CRB1: variants seen among roughly 807,000 people sequenced by gnomAD.
CRB1 encodes the protein protein crumbs homolog 1.
A neutral mutation model predicts 120.0 loss-of-function variants in CRB1; 83 were observed. That is an observed-to-expected ratio of 0.69 (90% CI 0.58 to 0.83). The LOEUF (loss-of-function observed/expected upper bound fraction) is 0.83. Ranked by LOEUF, CRB1 falls within the 40% of genes least tolerant of loss-of-function variation. The probability of loss-of-function intolerance (pLI) is 0.00; values close to 1 mark genes in which losing one functional copy is unlikely to be tolerated. For missense variants in CRB1, 1,699 were observed against 1,687.6 expected (o/e 1.01, Z -0.12); for synonymous variants, 625 against 612.5 (o/e 1.02, Z -0.30).
At position 197,477,742 on chromosome 1, in the gene CRB1, G is replaced by T. The variant is rs758725635; in HGVS notation, c.4084G>T (p.Ala1362Ser). 2.5e-6 allele frequency: 4 copies of T among 1,613,852 alleles called. No individual in the cohort carries two copies. Among genetic ancestry groups the T allele is most frequent in the Non-Finnish European group, 3.4e-6 (4 of 1,179,882 alleles). The change falls in exon 12 of 12, where the codon GCC becomes TCC. Residue 1362 changes from alanine (A) to serine (S), a missense_variant. Physicochemically the swap from Ala to Ser is moderately conservative, Grantham distance 99. Transcript: ENST00000367400. ...TVALLLILLL[A>S]IVASVVTSNK... ...CGCCTTGTTACTGATCCTCTTGCTG[G>T]CCATTGTTGCTTCTGTTGTCACCTC... is the stretch of plus-strand genomic sequence containing the variant.
At chr1:197,456,099 A>C (rs1342230475) in intron 11 of CRB1, among the ~76,000 whole-genome samples, 2 of 152,162 alleles carry the variant, frequency 1.3e-5, no homozygotes, top group Admixed American at 6.6e-5. Context: ...TTCTTTGATA[A>C]TCCTATGCTG....
chr1:197,453,235 A>T (rs569295852), intron 11 of CRB1, among the ~76,000 whole-genome samples: 7 of 149,390 alleles, frequency 4.7e-5, no homozygotes, highest in Non-Finnish European at 1.0e-4. Flanking sequence ...GGAAATGGGG[A>T]GATGTCATTA....
chr1:197,391,476 A>C (rs1662501918), intron 5 of CRB1, among the ~76,000 whole-genome samples: 1 of 152,146 alleles, frequency 6.6e-6, no homozygotes. Context: ...TCTGCTGTGA[A>C]GTTGTCACTG....
the CRB1 span, among the ~76,000 whole-genome samples, chr1:197,215,411 G>A: frequency 6.6e-6 from 1 of 151,634 alleles, no homozygotes; most frequent in Non-Finnish European, 1.5e-5. Context: ...CTGAGTAGCT[G>A]GCATAATAGG....
the CRB1 span, among the ~76,000 whole-genome samples, chr1:197,256,605 A>C: frequency 7.2e-5 from 11 of 152,080 alleles, no homozygotes; most frequent in Non-Finnish European, 1.2e-4. Flanking sequence ...AGTGGAGTAA[A>C]GCTACGTGGC....
At chr1:197,331,853 T>C (rs1000407937) in intron 2 of CRB1, among the ~76,000 whole-genome samples, 2 of 152,174 alleles carry the variant, frequency 1.3e-5, no homozygotes, top group African/African-American at 4.8e-5. Context: ...TAATGAATCC[T>C]TTCAGTCGTC....
rs555766244 is a variant in CRB1 at position 197,402,489 on chromosome 1, G to A, written c.1172-18511G>A. 8.4e-4 allele frequency among the ~76,000 whole-genome samples: 128 copies of A among 152,070 alleles called. 2 individuals are homozygous for A. The South Asian group carries it at 0.018, about 22-fold the overall frequency. ...TTTCATCATTATTTAGATGTATGTC[G>A]TTTAAAATTAATGTTGACTAAAAGA... On this transcript the variant is annotated intron_variant, in intron 5 of 11. Coordinates refer to ENST00000367400, the MANE Select transcript of CRB1 (RefSeq NM_201253.3).
the CRB1 span, among the ~76,000 whole-genome samples, chr1:197,206,156 A>T: frequency 6.6e-6 from 1 of 151,910 alleles, no homozygotes; most frequent in Non-Finnish European, 1.5e-5. Context: ...TTTCTTGTTT[A>T]ACCTCCTCAC....
chr1:197,350,934 G>T (rs1660056907), intron 4 of CRB1, among the ~76,000 whole-genome samples: 1 of 151,982 alleles, frequency 6.6e-6, no homozygotes, highest in South Asian at 2.1e-4. Flanking sequence ...CTAAGTAAAA[G>T]TTAAATAAAT....
In CRB1 at chr1:197,421,716, T is replaced by C; in HGVS notation, c.1888T>C (p.Phe630Leu). 6.2e-7 allele frequency: 1 copy of C among 1,614,194 alleles called. No homozygotes were observed. Among genetic ancestry groups the C allele is most frequent in the Non-Finnish European group, 8.5e-7 (1 of 1,180,036 alleles). ...CAGCAATGGTGTTGCTCTGCTTAAC[T>C]TCTATAATATGCCATCCACACCTTC... ...MTSNGVALLN[F>L]YNMPSTPSFV... The change falls in exon 6 of 12, where the codon TTC (phenylalanine) becomes CTC (leucine). Residue 630 changes from phenylalanine to leucine, a missense_variant. Physicochemically the swap from Phe to Leu is conservative, Grantham distance 22. Transcript: ENST00000367400.
chr1:197,256,216 A>G, the CRB1 span, among the ~76,000 whole-genome samples: 1 of 151,402 alleles, frequency 6.6e-6, no homozygotes, highest in Non-Finnish European at 1.5e-5. Flanking sequence ...TTAGAGAAAT[A>G]CTTATTTTGC....
intron 8 of CRB1, 84 bp from the exon 9 acceptor site, chr1:197,434,622 C>A: frequency 8.3e-7 from 1 of 1,201,466 alleles, no homozygotes; most frequent in Non-Finnish European, 1.2e-6. Flanking sequence ...GTTATTAACA[C>A]AATGATCATT....
chr1:197,302,335 G>A (rs1656916732), intron 1 of CRB1, among the ~76,000 whole-genome samples: 1 of 152,110 alleles, frequency 6.6e-6, no homozygotes, highest in Non-Finnish European at 1.5e-5. Flanking sequence ...TAATGCAATG[G>A]TACACTTAAT....
chr1:197,363,957 G>A, intron 5 of CRB1: 1 of 1,339,460 alleles, frequency 7.5e-7, no homozygotes. Context: ...ATTATGAGAA[G>A]CCATGCGGCC....
intron 5 of CRB1, among the ~76,000 whole-genome samples, chr1:197,405,377 G>A (rs1414250057): frequency 6.6e-6 from 1 of 151,842 alleles, no homozygotes; most frequent in African/African-American, 2.4e-5. Flanking sequence ...TTCACTCAGT[G>A]CTCAATGGTG....
At chr1:197,341,671 CTA>C (rs1172260643) in intron 2 of CRB1, among the ~76,000 whole-genome samples, 1 of 152,192 alleles carries the variant, frequency 6.6e-6, no homozygotes, top group Non-Finnish European at 1.5e-5. Flanking sequence ...GTTTCTCTAC[CTA>C]TAGTCTCTTC....
intron 3 of CRB1, among the ~76,000 whole-genome samples, chr1:197,346,046 G>A (rs1044063096): frequency 6.6e-6 from 1 of 152,082 alleles, no homozygotes; most frequent in African/African-American, 2.4e-5. Flanking sequence ...ACTGTTTCCA[G>A]AAAGCATCAG....
chr1:197,391,805 A>G (rs1662519611), intron 5 of CRB1, among the ~76,000 whole-genome samples: 1 of 152,070 alleles, frequency 6.6e-6, no homozygotes, highest in South Asian at 2.1e-4. Flanking sequence ...AGAATTCAGA[A>G]AAAAATATTA....
At chr1:197,422,292 T>A (rs968776838) in intron 6 of CRB1, among the ~76,000 whole-genome samples, 1 of 150,054 alleles carries the variant, frequency 6.7e-6, no homozygotes, top group Admixed American at 6.7e-5. Flanking sequence ...TAAATCTTAT[T>A]TGAAAGAGAA....
Sources: allele counts gnomAD v4.1 joint callset (sites outside exome capture counted in the v4.1 genomes callset), GRCh38; gene constraint gnomAD v4.1.1; transcripts MANE v1.5; gene names NCBI Gene and HGNC (gene_info 2026-07-23, HGNC 2026-07-21).